The following SHC4 variants were observed in gnomAD, a reference collection of about 807,000 sequenced individuals.
The protein encoded by SHC4 is SHC-transforming protein 4.
In SHC4, 41 loss-of-function variants were observed where a neutral mutation model predicts 69.4. The observed-to-expected ratio is 0.59, with a 90% confidence interval of 0.46 to 0.77. The LOEUF is 0.77. Among genes scored for constraint, SHC4 ranks in the 30% least tolerant of loss-of-function variants. The pLI, the probability that SHC4 is intolerant of heterozygous loss-of-function variation, is 0.00. For missense variants in SHC4, 777 were observed against 783.8 expected (o/e 0.99, Z 0.10); for synonymous variants, 318 against 299.3 (o/e 1.06, Z -0.64).
intron 2 of SHC4, among the ~76,000 whole-genome samples, chr15:48,904,247 C>A (rs968893963): frequency 6.6e-6 from 1 of 152,174 alleles, no homozygotes; most frequent in Admixed American, 6.5e-5. Context: ...GTTCTACCAC[C>A]TATTGACTTG....
At chr15:48,955,969 T>C (rs1901446629) in intron 1 of SHC4, among the ~76,000 whole-genome samples, 1 of 152,074 alleles carries the variant, frequency 6.6e-6, no homozygotes, top group African/African-American at 2.4e-5. Context: ...GACTCACTGA[T>C]CTCTAAGACT....
At chr15:48,858,082 A>C (rs1398780069) in intron 6 of SHC4, among the ~76,000 whole-genome samples, 1 of 152,202 alleles carries the variant, frequency 6.6e-6, no homozygotes, top group East Asian at 1.9e-4. Context: ...CATTTTTACA[A>C]AAGCACACTG....
chr15:48,878,763 G>A, intron 4 of SHC4: 1 of 1,587,556 alleles, frequency 6.3e-7, no homozygotes, highest in African/African-American at 1.3e-5. Context: ...AAAAGAGGAG[G>A]AAACTACTTG....
At chr15:48,932,201 A>G (rs1900978563) in intron 1 of SHC4, among the ~76,000 whole-genome samples, 3 of 152,126 alleles carry the variant, frequency 2.0e-5, no homozygotes, top group Non-Finnish European at 4.4e-5. Flanking sequence ...ATTCTCACTT[A>G]AAACACTCCC....
chr15:48,943,715 C>T (rs1453167229), intron 1 of SHC4, among the ~76,000 whole-genome samples: 1 of 152,152 alleles, frequency 6.6e-6, no homozygotes, highest in Non-Finnish European at 1.5e-5. Context: ...TACATTCCCA[C>T]CAAGAGTGCA....
intron 1 of SHC4, among the ~76,000 whole-genome samples, chr15:48,940,127 A>G (rs1901148086): frequency 6.6e-6 from 1 of 152,190 alleles, no homozygotes; most frequent in Non-Finnish European, 1.5e-5. Context: ...CATATCCACC[A>G]TCAAGTTGGT....
At chr15:48,862,121 C>A (rs188480873) in intron 6 of SHC4, among the ~76,000 whole-genome samples, 2 of 151,650 alleles carry the variant, frequency 1.3e-5, no homozygotes, top group Admixed American at 6.6e-5. Flanking sequence ...CCAGGACAGT[C>A]GTAGGCATAC....
chr15:48,897,959 A>C (rs535113187), intron 2 of SHC4, among the ~76,000 whole-genome samples: 1 of 152,286 alleles, frequency 6.6e-6, no homozygotes, highest in South Asian at 2.1e-4. Context: ...TGCATCTCCA[A>C]CGTAAGTCCT....
chr15:48,872,274 C>G, intron 4 of SHC4, 132 bp from the exon 5 acceptor site: 2 of 543,332 alleles, frequency 3.7e-6, no homozygotes, highest in Non-Finnish European at 6.5e-6. Flanking sequence ...ACCACCCAAC[C>G]TACACTCTAT....
intron 9 of SHC4, among the ~76,000 whole-genome samples, chr15:48,847,310 G>T (rs1043670854): frequency 1.3e-5 from 2 of 152,150 alleles, no homozygotes; most frequent in Non-Finnish European, 1.5e-5. Context: ...CTTAGGGTTT[G>T]TGGGAACTTA....
At chr15:48,941,427 C>G (rs951258403) in intron 1 of SHC4, among the ~76,000 whole-genome samples, 1 of 152,038 alleles carries the variant, frequency 6.6e-6, no homozygotes, top group Non-Finnish European at 1.5e-5. Flanking sequence ...AAGCATAGTA[C>G]TTTTGTTTTT....
intron 2 of SHC4, among the ~76,000 whole-genome samples, chr15:48,902,887 G>A (rs1486628091): frequency 6.6e-6 from 1 of 152,086 alleles, no homozygotes; most frequent in Admixed American, 6.6e-5. Flanking sequence ...CTCCATCTCA[G>A]AACATGTTTC....
intron 1 of SHC4, among the ~76,000 whole-genome samples, chr15:48,939,327 G>A (rs1901132458): frequency 6.6e-6 from 1 of 152,208 alleles, no homozygotes; most frequent in Non-Finnish European, 1.5e-5. Context: ...GCTGGGGCGA[G>A]TTATGAAGGG....
chr15:48,893,667 C>G (rs1900172602), intron 2 of SHC4, among the ~76,000 whole-genome samples: 1 of 152,146 alleles, frequency 6.6e-6, no homozygotes, highest in African/African-American at 2.4e-5. Context: ...AGATACTTCA[C>G]TCATATTAAA....
chr15:48,921,699 A>C (rs1440871510), intron 2 of SHC4, among the ~76,000 whole-genome samples: 1 of 152,226 alleles, frequency 6.6e-6, no homozygotes, highest in Non-Finnish European at 1.5e-5. Flanking sequence ...AAGATGAAAA[A>C]GTTCTGCAGA....
intron 6 of SHC4, among the ~76,000 whole-genome samples, chr15:48,865,581 A>C (rs1324911551): frequency 2.0e-5 from 3 of 152,214 alleles, no homozygotes; most frequent in African/African-American, 7.2e-5. Flanking sequence ...GAGGTTGTGA[A>C]ACAATCTGCC....
intron 2 of SHC4, among the ~76,000 whole-genome samples, chr15:48,909,427 T>A (rs997355695): frequency 6.6e-6 from 1 of 152,184 alleles, no homozygotes; most frequent in Non-Finnish European, 1.5e-5. Flanking sequence ...AATTCTTTAA[T>A]CAGTTCTAGG....
chr15:48,859,868 G>C (rs766039629), intron 6 of SHC4, among the ~76,000 whole-genome samples: 2 of 152,194 alleles, frequency 1.3e-5, no homozygotes, highest in South Asian at 4.1e-4. Context: ...TGAGCCATGA[G>C]AAGCTGTGTT....
intron 11 of SHC4, 127 bp from the exon 12 acceptor site, chr15:48,826,253 C>A (rs1225442294): frequency 8.6e-5 from 55 of 639,940 alleles, no homozygotes; most frequent in Non-Finnish European, 1.1e-4. Flanking sequence ...AGAAAAGGTA[C>A]TTTTTTTTTT....
Sources: gnomAD v4.1 joint callset for allele counts (sites outside exome capture counted in the v4.1 genomes callset) on GRCh38, gnomAD v4.1.1 for gene constraint, MANE v1.5 for transcripts, NCBI Gene and HGNC (gene_info 2026-07-23, HGNC 2026-07-21) for gene names.